Variants in TLE1 observed in about 807,000 individuals in gnomAD.
TLE1 encodes TLE family member 1, transcriptional corepressor, also known as transducin-like enhancer protein 1.
In TLE1, 21 loss-of-function variants were observed where a neutral mutation model predicts 89.8. That is an observed-to-expected ratio of 0.23 (90% CI 0.17 to 0.34). TLE1 has a LOEUF of 0.34. TLE1 is among the 10% of genes least tolerant of loss of function. The probability of loss-of-function intolerance (pLI) is 1.00; values close to 1 mark genes in which losing one functional copy is unlikely to be tolerated. For missense variants in TLE1, 795 were observed against 1,031.2 expected (o/e 0.77, Z 3.14); for synonymous variants, 447 against 407.6 (o/e 1.10, Z -1.16).
At chr9:81,632,871 C>A (rs1038835851) in intron 8 of TLE1, among the ~76,000 whole-genome samples, 1 of 152,176 alleles carries the variant, frequency 6.6e-6, no homozygotes, top group Non-Finnish European at 1.5e-5. Flanking sequence ...AACCAAGATG[C>A]ATTCACAGAG....
intron 4 of TLE1, among the ~76,000 whole-genome samples, chr9:81,655,763 G>A (rs1190830822): frequency 6.6e-6 from 1 of 150,382 alleles, no homozygotes; most frequent in Non-Finnish European, 1.5e-5. Context: ...AAAAGACAAA[G>A]TAGAAATCCC....
intron 11 of TLE1, 136 bp downstream of exon 11, chr9:81,615,846 A>G (rs374579865): frequency 9.0e-7 from 1 of 1,111,698 alleles, no homozygotes; most frequent in East Asian, 2.4e-5. Flanking sequence ...GAACAGAAGG[A>G]TGAGTTTCAC....
chr9:81,686,086 C>T (rs1834238526), intron 2 of TLE1, among the ~76,000 whole-genome samples, 190 bp from the exon 3 acceptor site: 1 of 152,180 alleles, frequency 6.6e-6, no homozygotes, highest in African/African-American at 2.4e-5. Flanking sequence ...TACAAGGTGT[C>T]CATTCAGCTA....
In TLE1 at chr9:81,620,528, T is replaced by C. The variant is rs778344305; in HGVS notation, c.624A>G (p.Leu208=). 4 of 1,613,832 alleles carry C rather than the reference T, an allele frequency of 2.5e-6. No individual in the cohort carries two copies. The highest frequency in any genetic ancestry group is 3.4e-6 in the Non-Finnish European group (4 of 1,179,974). Residue 208 remains leucine (L), a synonymous_variant, in exon 9 of 20, where the codon CTA becomes CTG. Transcript: ENST00000376499. ...TSNSLLVPDS[L]RGTDKRRNGP... ...CATTTCTGCGTTTATCTGTGCCTCT[T>C]AGACTGTCTGGGACCAGGAGGGAAT...
At chr9:81,684,670 A>G (rs1834037437) in intron 4 of TLE1, among the ~76,000 whole-genome samples, 1 of 152,256 alleles carries the variant, frequency 6.6e-6, no homozygotes, top group Non-Finnish European at 1.5e-5. Flanking sequence ...GAAATAGCAC[A>G]TATACATCAA....
intron 4 of TLE1, among the ~76,000 whole-genome samples, chr9:81,662,455 G>C (rs540043628): frequency 4.0e-5 from 6 of 151,398 alleles, no homozygotes; most frequent in Admixed American, 2.6e-4. Context: ...AACACTTTGC[G>C]GGGGCCGAGG....
intron 4 of TLE1, among the ~76,000 whole-genome samples, chr9:81,680,303 G>T (rs1833446580): frequency 6.6e-6 from 1 of 152,138 alleles, no homozygotes; most frequent in African/African-American, 2.4e-5. Flanking sequence ...ACTCCCCACA[G>T]GACAGGTAAC....
intron 11 of TLE1, among the ~76,000 whole-genome samples, chr9:81,615,678 A>C (rs1202289622): frequency 2.0e-5 from 3 of 149,086 alleles, no homozygotes; most frequent in Non-Finnish European, 4.4e-5. Context: ...GCACCACTGC[A>C]CTCTAGCCTG....
chr9:81,620,550 G>C lies in TLE1; in HGVS notation c.602C>G (p.Ser201Cys). 2 of 1,608,834 alleles carry C rather than the reference G, an allele frequency of 1.2e-6. No individual in the cohort carries two copies. Among genetic ancestry groups the C allele is most frequent in the East Asian group, 2.2e-5 (1 of 44,814 alleles). The change falls in exon 9 of 20, where the codon TCC (serine) becomes TGC (cysteine). Residue 201 changes from serine (S) to cysteine (C), a missense_variant. Ser to Cys is a moderately radical substitution (Grantham distance 112, BLOSUM62 -1). Around this residue, in one of 4 missense-constraint regions of TLE1, gnomAD observed 468 missense variants for 509.1 expected, o/e 0.92. Coordinates refer to ENST00000376499, the MANE Select transcript of TLE1 (RefSeq NM_005077.5). ...TCTTAGACTGTCTGGGACCAGGAGGGAATTACTCTGCAAGACAAAAAAATT... is the reference window on the plus strand; with the variant it reads ...TCTTAGACTGTCTGGGACCAGGAGGCAATTACTCTGCAAGACAAAAAAATT... The part of the protein sequence containing the change: ...HRDREPGTSN[S>C]LLVPDSLRGT...
intron 8 of TLE1, among the ~76,000 whole-genome samples, chr9:81,622,438 CTT>C (rs982617602): frequency 2.7e-5 from 4 of 150,540 alleles, no homozygotes; most frequent in Admixed American, 6.6e-5. Flanking sequence ...TTCTTAATGT[CTT>C]GTTTTTTTTT....
At chr9:81,660,648 C>T (rs1357929195) in intron 4 of TLE1, among the ~76,000 whole-genome samples, 1 of 151,016 alleles carries the variant, frequency 6.6e-6, no homozygotes, top group African/African-American at 2.4e-5. Context: ...CAACTCCTGA[C>T]CTCGTGATTC....
intron 13 of TLE1, among the ~76,000 whole-genome samples, chr9:81,610,712 C>G (rs1408228201): frequency 1.3e-5 from 2 of 152,252 alleles, no homozygotes; most frequent in Admixed American, 1.3e-4. Flanking sequence ...CTGGCCCCTA[C>G]TGTTTATGTG....
chr9:81,688,173 C>A (rs1426081381), intron 1 of TLE1, 44 bp downstream of exon 1: 1 of 1,601,276 alleles, frequency 6.2e-7, no homozygotes, highest in South Asian at 1.1e-5. Flanking sequence ...AGAAGCGCCT[C>A]CCCAACGATC....
intron 9 of TLE1, among the ~76,000 whole-genome samples, chr9:81,620,181 C>T (rs1289815742): frequency 6.6e-6 from 1 of 152,176 alleles, no homozygotes; most frequent in South Asian, 2.1e-4. Context: ...TGAGCAACCG[C>T]ACAGCCCACA....
intron 4 of TLE1, among the ~76,000 whole-genome samples, chr9:81,684,531 C>CT (rs1300566944): frequency 1.3e-5 from 2 of 152,158 alleles, no homozygotes; most frequent in Non-Finnish European, 2.9e-5. Flanking sequence ...GAATTCAACT[C>CT]TGAAACACAC....
In TLE1 at chr9:81,657,013, G is replaced by A. The variant is rs561781988; in HGVS notation, c.235-2977C>T. 2.5e-4 allele frequency among the ~76,000 whole-genome samples: 38 copies of A among 152,278 alleles called. No homozygotes were observed. The South Asian group carries it at 7.5e-3, about 30-fold the overall frequency. ...CCACCCAGTGTCAATATTGAGTTTT[G>A]TTGACCTTCCTTTAATCTTCATCCA... On this transcript the variant is annotated intron_variant, in intron 4 of 19. Coordinates refer to ENST00000376499, the MANE Select transcript of TLE1 (RefSeq NM_005077.5).
intron 8 of TLE1, among the ~76,000 whole-genome samples, chr9:81,623,879 A>G: frequency 6.6e-6 from 1 of 152,172 alleles, no homozygotes; most frequent in East Asian, 1.9e-4. Flanking sequence ...CAAACCTGAG[A>G]AGAGGCCAAA....
chr9:81,656,682 A>T (rs576749602), intron 4 of TLE1, among the ~76,000 whole-genome samples: 1 of 152,186 alleles, frequency 6.6e-6, no homozygotes, highest in Non-Finnish European at 1.5e-5. Flanking sequence ...ATAATTTGTT[A>T]ATCAAACATG....
rs781366074 is a variant in TLE1, at chr9:81,599,941, G to A, written c.1332-6667C>T. On this transcript the variant is annotated intron_variant, in intron 14 of 19. Transcript: ENST00000376499. ...AGGCAAATACAAAACTTCTTAAAAT[G>A]GATATGTAAAAGAAGATTACAAGCA... The A allele has an allele frequency of 5.7e-6, 3 of 523,290 alleles. No individual in the cohort carries two copies. The South Asian group carries it at 1.1e-4, about 19-fold the overall frequency. The allele number at this position is 523,290 out of a possible 1,614,324, so 32.4% of individuals were successfully genotyped here.
Sources: gnomAD v4.1 joint callset for allele counts (sites outside exome capture counted in the v4.1 genomes callset) on GRCh38, gnomAD v4.1.1 for gene constraint, gnomAD v4.1.1 regional missense constraint, MANE v1.5 for transcripts, NCBI Gene and HGNC (gene_info 2026-07-23, HGNC 2026-07-21) for gene names.